The following HYPK variants were observed in gnomAD, a reference collection of about 807,000 sequenced individuals.
HYPK encodes the protein huntingtin-interacting protein K.
In HYPK, 9 loss-of-function variants were observed where a neutral mutation model predicts 13.9. The ratio of observed to expected loss-of-function variants is 0.65; its 90% CI spans 0.39 to 1.13. HYPK has a LOEUF of 1.13. HYPK is among the 50% of genes most tolerant of loss of function. HYPK has a pLI of 0.01. For missense variants in HYPK, 138 were observed against 157.6 expected (o/e 0.88, Z 0.67); for synonymous variants, 76 against 57.0 (o/e 1.33, Z -1.50).
chr15:43,800,600 T>A lies in HYPK; in HGVS notation c.-23T>A. The A allele has an allele frequency of 1.2e-6, 2 of 1,613,838 alleles. No individual in the cohort carries two copies. The highest frequency in any genetic ancestry group is 1.7e-6 in the Non-Finnish European group (2 of 1,179,920). On this transcript the variant is annotated 5_prime_UTR_variant, in exon 1 of 4. An upstream start codon of the reference 5' UTR is lost. Coordinates refer to ENST00000442995, the MANE Select transcript of HYPK (RefSeq NM_016400.4). ...GGAAGTCGGCGTGAGGTGGGGCTTA[T>A]GCGGCGGCGTGGTGAAATAGATATG...
In HYPK at chr15:43,803,541, G is replaced by T. The variant is rs1223152048; in HGVS notation, c.*1735G>T. Among the ~76,000 whole-genome samples, 2 of 152,186 alleles carry T rather than the reference G, an allele frequency of 1.3e-5. No homozygotes were observed. Among genetic ancestry groups the T allele is most frequent in the South Asian group, 4.1e-4 (2 of 4,834 alleles). On this transcript the variant is annotated 3_prime_UTR_variant, in exon 4 of 4. Coordinates refer to ENST00000442995, the MANE Select transcript of HYPK (RefSeq NM_016400.4). Reference sequence around the variant, plus strand: ...GTGGTGGCGCATGCCTATAATCCCAGCACTCTGGGAGGCCGAGGCAGGTGG... The same window carrying T: ...GTGGTGGCGCATGCCTATAATCCCATCACTCTGGGAGGCCGAGGCAGGTGG...
At position 43,802,269 on chromosome 15, in the gene HYPK, TA is replaced by T. The variant is rs199657477; in HGVS notation, c.*472del. ...TACAACATGCTTGATTTTGAGTGAT[TA>T]AAAAAAAATAATTTGGCTGGGTGCT... On this transcript the variant is annotated 3_prime_UTR_variant, in exon 4 of 4. Coordinates refer to ENST00000442995, the MANE Select transcript of HYPK (RefSeq NM_016400.4). 1,218 of 155,326 alleles carry T rather than the reference TA, an allele frequency of 7.8e-3. 15 individuals carry two copies. Among genetic ancestry groups the T allele is most frequent in the Admixed American group, 0.022 (353 of 15,956 alleles). The allele number at this position is 155,326 out of a possible 1,614,324, so 9.6% of individuals were successfully genotyped here.
chr15:43,801,450 A>G (rs2087314187), intron 2 of HYPK, 68 bp from the exon 3 acceptor site: 1 of 1,345,072 alleles, frequency 7.4e-7, no homozygotes, highest in Non-Finnish European at 1.1e-6. Flanking sequence ...ACTTCTGGGA[A>G]TGACCCTTCC....
In HYPK at chr15:43,801,818, T is replaced by C; in HGVS notation, c.*12T>C. ...CCCTAACCAACTGATGCGTGCTTTC[T>C]CAAATATACCTACTGGATTAATTTA... is the stretch of plus-strand genomic sequence containing the variant. On this transcript the variant is annotated 3_prime_UTR_variant, in exon 4 of 4. Coordinates refer to ENST00000442995, the MANE Select transcript of HYPK (RefSeq NM_016400.4). 1 of 1,611,014 alleles carries C rather than the reference T, an allele frequency of 6.2e-7. No individual in the cohort carries two copies. The highest frequency in any genetic ancestry group is 8.5e-7 in the Non-Finnish European group (1 of 1,177,340).
At position 43,803,699 on chromosome 15, in the gene HYPK, C is replaced by CACTCT; in HGVS notation, c.*1894_*1895insCTCTA. Among the ~76,000 whole-genome samples the CACTCT allele has an allele frequency of 6.7e-6, 1 of 148,466 alleles. No homozygotes were observed. Among genetic ancestry groups the CACTCT allele is most frequent in the South Asian group, 2.1e-4 (1 of 4,744 alleles). ...ATTCCAGCTACTAGGGAGGCTGAGG[C>CACTCT]AGGAGAATCTCTTGAACCCAGGAGG... On this transcript the variant is annotated 3_prime_UTR_variant, in exon 4 of 4. Coordinates refer to ENST00000442995, the MANE Select transcript of HYPK (RefSeq NM_016400.4).
Position 43,801,749 on chromosome 15 carries a change from C to T in HYPK, c.309C>T (p.Arg103=). ...EMEISRAAAE[R]SLREHMGNVV... ...AGATATCTCGAGCAGCAGCAGAACGCAGTTTGCGGGAACACATGGGCAACG... is the reference window on the plus strand; with the variant it reads ...AGATATCTCGAGCAGCAGCAGAACGTAGTTTGCGGGAACACATGGGCAACG... Residue 103 remains arginine (R), a synonymous_variant, in exon 4 of 4, where the codon CGC becomes CGT. Transcript: ENST00000442995. The T allele has an allele frequency of 1.2e-6, 2 of 1,614,214 alleles. No homozygotes were observed. Among genetic ancestry groups the T allele is most frequent in the Non-Finnish European group, 1.7e-6 (2 of 1,180,038 alleles).
At chr15:43,800,911 C>G in intron 1 of HYPK, 127 bp downstream of exon 1, 1 of 1,019,856 alleles carries the variant, frequency 9.8e-7, no homozygotes, top group Non-Finnish European at 1.4e-6. Context: ...TAGGGTAGAG[C>G]CGAGGGAAAC....
In HYPK at chr15:43,801,123, T is replaced by C; in HGVS notation, c.163-9T>C. On this transcript the variant is annotated splice_polypyrimidine_tract_variant and intron_variant, in intron 1 of 3. Coordinates refer to ENST00000442995, the MANE Select transcript of HYPK (RefSeq NM_016400.4). ...AGCGGTGCAGTAACTAGACCTGCCT[T>C]TCCCATAGGCCATGTCTGTGATTGG... The C allele has an allele frequency of 6.2e-7, 1 of 1,613,260 alleles. No homozygotes were observed.
chr15:43,800,506 G>A (rs1322231201), upstream of HYPK: 62 of 1,346,068 alleles, frequency 4.6e-5, no homozygotes, highest in Non-Finnish European at 6.4e-5. Context: ...TTCTAGAACT[G>A]GAGCAGAAAG....
At position 43,801,706 on chromosome 15, in the gene HYPK, T is replaced by C; in HGVS notation, c.271-5T>C. On this transcript the variant is annotated splice_polypyrimidine_tract_variant and splice_region_variant and intron_variant, in intron 3 of 3. Coordinates refer to ENST00000442995, the MANE Select transcript of HYPK (RefSeq NM_016400.4). ...GAACCTATGTAACATGATTTTTTTCTGCAGATGACTGAGATGGAGATATCT... is the reference window on the plus strand; with the variant it reads ...GAACCTATGTAACATGATTTTTTTCCGCAGATGACTGAGATGGAGATATCT... 1 of 1,614,146 alleles carries C rather than the reference T, an allele frequency of 6.2e-7. No individual in the cohort carries two copies. Among genetic ancestry groups the C allele is most frequent in the Non-Finnish European group, 8.5e-7 (1 of 1,179,994 alleles).
rs28583806 is a variant in HYPK at position 43,803,120 on chromosome 15, A to G, written c.*1314A>G. 22,158 of 150,766 alleles carry G rather than the reference A, an allele frequency of 0.15. 2,003 individuals are homozygous for G. Among genetic ancestry groups the G allele is most frequent in the East Asian group, 0.27 (1,368 of 5,044 alleles). The allele number at this position is 150,766 out of a possible 1,614,324, so 9.3% of individuals were successfully genotyped here. ...ATCAAAGGTTGGGCCAGGTGTGGTGACTCATGCCTGTAACCCCAGCACTTT... is the reference window on the plus strand; with the variant it reads ...ATCAAAGGTTGGGCCAGGTGTGGTGGCTCATGCCTGTAACCCCAGCACTTT... On this transcript the variant is annotated 3_prime_UTR_variant, in exon 4 of 4. Transcript: ENST00000442995.
chr15:43,801,062 T>A, intron 1 of HYPK, 70 bp from the exon 2 acceptor site: 1 of 1,377,178 alleles, frequency 7.3e-7, no homozygotes, highest in Non-Finnish European at 1.0e-6. Flanking sequence ...GAACCGCTTG[T>A]TTTGTTGGCC....
In HYPK at chr15:43,801,501, T is replaced by C. The variant is rs1173710151; in HGVS notation, c.219-17T>C. On this transcript the variant is annotated splice_polypyrimidine_tract_variant and intron_variant, in intron 2 of 3. Coordinates refer to ENST00000442995, the MANE Select transcript of HYPK (RefSeq NM_016400.4). The stretch of plus-strand genomic sequence containing the variant: ...TTGGTTGAGAATGAGGACTAATATA[T>C]TTAAATATTTTTGCAGGGAGAAAGA... 1.2e-6 allele frequency: 2 copies of C among 1,607,342 alleles called. No individual in the cohort carries two copies. The highest frequency in any genetic ancestry group is 1.3e-5 in the African/African-American group (1 of 74,744).
upstream of HYPK, chr15:43,800,456 A>G (rs1312751583): frequency 2.2e-6 from 2 of 921,646 alleles, no homozygotes; most frequent in Admixed American, 2.0e-5. Flanking sequence ...TACAAACCCG[A>G]AAGGAAGTCT....
Position 43,803,514 on chromosome 15 carries a change from G to T in HYPK, c.*1708G>T, listed in dbSNP as rs905361183. 6.6e-5 allele frequency among the ~76,000 whole-genome samples: 10 copies of T among 152,188 alleles called. No homozygotes were observed. Among genetic ancestry groups the T allele is most frequent in the African/African-American group, 2.4e-4 (10 of 41,450 alleles). ...TACTTTAAAGGTTAATCAGGGCCGG[G>T]CGTGGTGGCGCATGCCTATAATCCC... is the stretch of plus-strand genomic sequence containing the variant. On this transcript the variant is annotated 3_prime_UTR_variant, in exon 4 of 4. Transcript: ENST00000442995.
Position 43,801,127 on chromosome 15 carries a change from C to A in HYPK, c.163-5C>A, listed in dbSNP as rs369798895. The A allele has an allele frequency of 1.1e-4, 182 of 1,613,336 alleles. No individual in the cohort carries two copies. Among genetic ancestry groups the A allele is most frequent in the Non-Finnish European group, 1.4e-4 (166 of 1,179,542 alleles). On this transcript the variant is annotated splice_region_variant and splice_polypyrimidine_tract_variant and intron_variant, in intron 1 of 3. Coordinates refer to ENST00000442995, the MANE Select transcript of HYPK (RefSeq NM_016400.4). ...GTGCAGTAACTAGACCTGCCTTTCC[C>A]ATAGGCCATGTCTGTGATTGGAGAC...
upstream of HYPK, chr15:43,800,576 G>A (rs2087297648): frequency 1.9e-6 from 3 of 1,612,544 alleles, no homozygotes; most frequent in Non-Finnish European, 2.5e-6. Flanking sequence ...TCAGTTGCCG[G>A]AAGTCGGCGT....
Position 43,802,424 on chromosome 15 carries a change from C to CATGGTGGT in HYPK, c.*619_*626dup. On this transcript the variant is annotated 3_prime_UTR_variant, in exon 4 of 4. Transcript: ENST00000442995. The stretch of plus-strand genomic sequence containing the variant: ...ACTGAAAATAGAAAAATTAGCTGGG[C>CATGGTGGT]ATGGTGGTGGGCGCCTATAATCCCA... The CATGGTGGT allele has an allele frequency of 6.6e-6, 1 of 151,470 alleles. No individual in the cohort carries two copies. Among genetic ancestry groups the CATGGTGGT allele is most frequent in the East Asian group, 2.0e-4 (1 of 5,120 alleles). The allele number at this position is 151,470 out of a possible 1,614,324, so 9.4% of individuals were successfully genotyped here.
chr15:43,801,674 T>C (rs970094145), intron 3 of HYPK, 37 bp from the exon 4 acceptor site: 2 of 1,612,170 alleles, frequency 1.2e-6, no homozygotes, highest in East Asian at 2.2e-5. Flanking sequence ...GGCACATTAA[T>C]GCCTGGGAAC....
Sources: allele counts gnomAD v4.1 joint callset (sites outside exome capture counted in the v4.1 genomes callset), GRCh38; gene constraint gnomAD v4.1.1; transcripts MANE v1.5; gene names NCBI Gene and HGNC (gene_info 2026-07-23, HGNC 2026-07-21).